Variants in HELLS observed in about 807,000 individuals in gnomAD.
HELLS encodes the protein helicase, lymphoid specific, also known as lymphoid-specific helicase.
HELLS carries 32 observed loss-of-function variants against 120.0 expected under a neutral mutation model. The observed-to-expected ratio is 0.27, with a 90% CI of 0.20 to 0.36. The LOEUF is 0.36. Ranked by LOEUF, HELLS falls within the 10% of genes least tolerant of loss-of-function variation. HELLS has a pLI of 1.00. For missense variants in HELLS, 650 were observed against 993.4 expected (o/e 0.65, Z 4.65); for synonymous variants, 341 against 323.4 (o/e 1.05, Z -0.58).
At chr10:94,581,712 C>A (rs1183461243) in intron 11 of HELLS, among the ~76,000 whole-genome samples, 190 bp downstream of exon 11, 1 of 152,146 alleles carries the variant, frequency 6.6e-6, no homozygotes, top group Non-Finnish European at 1.5e-5. Flanking sequence ...AACTTACTTG[C>A]ATTGATTAAA....
intron 3 of HELLS, among the ~76,000 whole-genome samples, 157 bp downstream of exon 3, chr10:94,554,405 A>G (rs532197283): frequency 2.7e-4 from 41 of 152,358 alleles, no homozygotes; most frequent in African/African-American, 8.2e-4. Flanking sequence ...CCACCAGCAC[A>G]ATCAAGATAC....
intron 6 of HELLS, among the ~76,000 whole-genome samples, chr10:94,564,580 C>G (rs904432592): frequency 6.6e-6 from 1 of 152,164 alleles, no homozygotes; most frequent in South Asian, 2.1e-4. Flanking sequence ...TTCTGACAAA[C>G]CAGTTCCTTA....
rs748403632 is a variant in HELLS, at chr10:94,601,523, C to A, written c.2423-5C>A. 6 of 1,433,230 alleles carry A rather than the reference C, an allele frequency of 4.2e-6. No homozygotes were observed. The East Asian group carries it at 1.2e-4, about 27-fold the overall frequency. The allele number at this position is 1,433,230 out of a possible 1,614,324, so 88.8% of individuals were successfully genotyped here. On this transcript the variant is annotated splice_region_variant and splice_polypyrimidine_tract_variant and intron_variant, in intron 21 of 21. Coordinates refer to ENST00000348459, the MANE Select transcript of HELLS (RefSeq NM_018063.5). ...AATGTACCTGTTTTAATGTTTTTCC[C>A]TTAGATCAAATGAATGCTTCAGGAC...
chr10:94,588,364 A>T lies in HELLS; in HGVS notation c.1462A>T (p.Ile488Phe), dbSNP rs1308769185. The T allele has an allele frequency of 6.2e-7, 1 of 1,606,458 alleles. No homozygotes were observed. The highest frequency in any genetic ancestry group is 2.2e-5 in the East Asian group (1 of 44,624). ...TTATACAGCCATTGTGAACCGTACA[A>T]TTGCAAACATGTTTGGATCCAGTGA... ...IFYTAIVNRT[I>F]ANMFGSSEKE... Residue 488 changes from isoleucine (I) to phenylalanine (F), a missense_variant, in exon 13 of 22, where the codon ATT becomes TTT. Ile to Phe is a conservative substitution (Grantham distance 21, BLOSUM62 0). This residue lies in a region of HELLS where 191 missense variants were observed against 259.7 expected (regional missense o/e 0.74). Coordinates refer to ENST00000348459, the MANE Select transcript of HELLS (RefSeq NM_018063.5).
chr10:94,549,500 G>C lies in HELLS; in HGVS notation c.153+3002G>C, dbSNP rs529763984. Among the ~76,000 whole-genome samples the C allele has an allele frequency of 7.9e-5, 12 of 152,304 alleles. No individual in the cohort carries two copies. The East Asian group carries it at 2.3e-3, about 29-fold the overall frequency. On this transcript the variant is annotated intron_variant, in intron 2 of 21. Coordinates refer to ENST00000348459, the MANE Select transcript of HELLS (RefSeq NM_018063.5). ...GGAGATTTGAGTACTGATAGTGCCT[G>C]TGAAGTGGAGGAGGGGGAATAGTTG... is the stretch of plus-strand genomic sequence containing the variant.
At chr10:94,546,885 T>C (rs1309518878) in intron 2 of HELLS, among the ~76,000 whole-genome samples, 1 of 152,234 alleles carries the variant, frequency 6.6e-6, no homozygotes, top group Non-Finnish European at 1.5e-5. Flanking sequence ...GCAGAAGTAA[T>C]GTACTAGACT....
At chr10:94,605,082 C>G (rs1199676634), downstream of HELLS, among the ~76,000 whole-genome samples, 117 of 132,852 alleles carry the variant, frequency 8.8e-4, 7 homozygotes, top group Middle Eastern at 3.6e-3. Flanking sequence ...TCCCCCCCCC[C>G]CCCTTTTTTT....
chr10:94,580,058 T>C (rs1256725957), intron 10 of HELLS, among the ~76,000 whole-genome samples: 1 of 147,556 alleles, frequency 6.8e-6, no homozygotes, highest in Non-Finnish European at 1.5e-5. Flanking sequence ...TAATTTGGCT[T>C]TCAGATTCCT....
rs773349110 is a variant in HELLS at position 94,554,152 on chromosome 10, G to A, written c.180G>A (p.Ser60=). The A allele has an allele frequency of 3.3e-5, 51 of 1,563,584 alleles. No individual in the cohort carries two copies. The East Asian group carries it at 1.1e-3, about 34-fold the overall frequency. Residue 60 remains serine, a synonymous_variant, in exon 3 of 22, where the codon TCG becomes TCA. Transcript: ENST00000348459. ...EKARMSWDRE[S]TEIRYRRLQH... Reference sequence around the variant, plus strand: ...CTCGCATGTCTTGGGATAGAGAGTCGACAGAAATTCGGTACCGTAGACTTC... The same window carrying A: ...CTCGCATGTCTTGGGATAGAGAGTCAACAGAAATTCGGTACCGTAGACTTC...
exon 10 of HELLS, chr10:94,612,717 G>GGAGTTTGAA (rs1589775233): frequency 6.6e-6 from 1 of 152,348 alleles, no homozygotes; most frequent in East Asian, 1.9e-4. Flanking sequence ...CTTGAGGCCA[G>GGAGTTTGAA]GAGTTTGAAA....
In HELLS at chr10:94,592,077, A is replaced by G; in HGVS notation, c.1768-152A>G. On this transcript the variant is annotated intron_variant, in intron 15 of 21. Coordinates refer to ENST00000348459, the MANE Select transcript of HELLS (RefSeq NM_018063.5). ...TAGAGTATGTCTTTGAGTAATAACT[A>G]TCTTCTGATTTTACAAAGATTGAAT... The G allele has an allele frequency of 7.0e-6, 4 of 575,374 alleles. No individual in the cohort carries two copies. In the South Asian group the frequency reaches 7.2e-5, roughly 10 times the overall value. 35.6% of individuals were successfully genotyped at this position (575,374 alleles called of 1,614,324 possible).
intron 2 of HELLS, among the ~76,000 whole-genome samples, chr10:94,546,860 G>A (rs1048375540): frequency 1.3e-5 from 2 of 152,118 alleles, no homozygotes; most frequent in Non-Finnish European, 2.9e-5. Flanking sequence ...TGGCAAACAG[G>A]AATCGCTAAA....
chr10:94,596,777 C>G, intron 19 of HELLS, 83 bp from the exon 20 acceptor site: 3 of 714,802 alleles, frequency 4.2e-6, no homozygotes, highest in Non-Finnish European at 7.2e-6. Flanking sequence ...CTTCTTAATG[C>G]AAGCCATTGT....
chr10:94,580,127 A>G (rs1240637526), intron 10 of HELLS, among the ~76,000 whole-genome samples: 1 of 27,868 alleles, frequency 3.6e-5, no homozygotes, highest in African/African-American at 2.7e-4. Context: ...GTATATATAT[A>G]TATATATATA....
intron 9 of HELLS, among the ~76,000 whole-genome samples, chr10:94,575,490 T>A (rs946558674): frequency 6.6e-6 from 1 of 150,998 alleles, no homozygotes. Context: ...TATTTATATA[T>A]ATATTATTTA....
chr10:94,604,124 C>CTTTTT (rs1197097813), downstream of HELLS, among the ~76,000 whole-genome samples: 2 of 130,410 alleles, frequency 1.5e-5, no homozygotes, highest in African/African-American at 2.8e-5. Context: ...CCACATCTGG[C>CTTTTT]TTTTTTTTTT....
At chr10:94,581,970 C>T (rs1056161175) in intron 11 of HELLS, among the ~76,000 whole-genome samples, 3 of 152,088 alleles carry the variant, frequency 2.0e-5, no homozygotes, top group African/African-American at 7.2e-5. Context: ...AATGTAAACA[C>T]AGTGTTTTAA....
rs1845175377 is a variant in HELLS, at chr10:94,586,738, C to T, written c.1327-1491C>T. Reference sequence around the variant, plus strand: ...TGAGTCAACGTCTCTGTCGCCCAGGCTAGGGTGCAGTGGCAAGATCTTGGC... The same window carrying T: ...TGAGTCAACGTCTCTGTCGCCCAGGTTAGGGTGCAGTGGCAAGATCTTGGC... On this transcript the variant is annotated intron_variant, in intron 12 of 21. Coordinates refer to ENST00000348459, the MANE Select transcript of HELLS (RefSeq NM_018063.5). 2.0e-5 allele frequency among the ~76,000 whole-genome samples: 3 copies of T among 152,064 alleles called. No individual in the cohort carries two copies. The South Asian group carries it at 6.2e-4, about 32-fold the overall frequency.
rs1403697357 is a variant in HELLS at position 94,577,888 on chromosome 10, C to A, written c.1032+1083C>A. On this transcript the variant is annotated intron_variant, in intron 10 of 21. Transcript: ENST00000348459. ...CATCCTGGCTAACAAGGTGAAACCC[C>A]GTCTCTACTAAAAATTACAAAAAAA... 3.3e-5 allele frequency among the ~76,000 whole-genome samples: 5 copies of A among 152,022 alleles called. No individual in the cohort carries two copies. The East Asian group carries it at 9.7e-4, about 29-fold the overall frequency.
Sources: allele counts gnomAD v4.1 joint callset (sites outside exome capture counted in the v4.1 genomes callset), GRCh38; gene constraint gnomAD v4.1.1; regional missense constraint gnomAD v4.1.1; transcripts MANE v1.5; gene names NCBI Gene and HGNC (gene_info 2026-07-23, HGNC 2026-07-21).